NAALADL2: variants seen among roughly 807,000 people sequenced by gnomAD.
The protein encoded by NAALADL2 is inactive N-acetylated-alpha-linked acidic dipeptidase-like protein 2.
Under a neutral mutation model 87.2 loss-of-function variants are expected in NAALADL2, and 76 were observed. The observed-to-expected ratio is 0.87, with a 90% confidence interval of 0.72 to 1.05. NAALADL2 has a LOEUF of 1.05. NAALADL2 is among the 50% of genes least tolerant of loss of function. The probability of loss-of-function intolerance (pLI) is 0.00; values close to 1 mark genes in which losing one functional copy is unlikely to be tolerated. For synonymous variants in NAALADL2, 354 were observed against 331.0 expected (o/e 1.07, Z -0.75); for missense variants, 1,089 against 945.8 (o/e 1.15, Z -1.99).
intron 5 of NAALADL2, among the ~76,000 whole-genome samples, chr3:175,423,619 G>A (rs1716259646): frequency 6.6e-6 from 1 of 152,096 alleles, no homozygotes; most frequent in South Asian, 2.1e-4. Flanking sequence ...TGGCAACATA[G>A]TATTCCATGG....
chr3:175,682,350 G>A (rs1735707410), intron 11 of NAALADL2, among the ~76,000 whole-genome samples: 1 of 151,730 alleles, frequency 6.6e-6, no homozygotes, highest in African/African-American at 2.4e-5. Context: ...TTAAAACTTG[G>A]GAATAAAAAT....
At chr3:174,668,992 C>T (rs1008587748) in intron 2 of NAALADL2, among the ~76,000 whole-genome samples, 1 of 152,118 alleles carries the variant, frequency 6.6e-6, no homozygotes, top group Non-Finnish European at 1.5e-5. Flanking sequence ...GAGGAATTGC[C>T]ACACTGACTT....
chr3:174,747,383 A>G (rs1734361802), intron 3 of NAALADL2, among the ~76,000 whole-genome samples: 1 of 152,096 alleles, frequency 6.6e-6, no homozygotes, highest in Non-Finnish European at 1.5e-5. Context: ...GTGAGATAAC[A>G]TCTCACGCCA....
At chr3:174,639,963 G>C (rs1723007682) in intron 2 of NAALADL2, among the ~76,000 whole-genome samples, 1 of 152,102 alleles carries the variant, frequency 6.6e-6, no homozygotes, top group Non-Finnish European at 1.5e-5. Context: ...TAGGCAACTG[G>C]TGTTTAGAAG....
intron 5 of NAALADL2, among the ~76,000 whole-genome samples, chr3:175,418,912 G>A (rs141389371): frequency 2.0e-5 from 3 of 152,156 alleles, no homozygotes; most frequent in Admixed American, 6.6e-5. Context: ...ACAGTCGAGA[G>A]CAACGGCAGG....
At chr3:174,885,876 GTTTTTTTTT>G (rs60403770) in intron 1 of NAALADL2, among the ~76,000 whole-genome samples, 1 of 101,642 alleles carries the variant, frequency 9.8e-6, no homozygotes, top group Non-Finnish European at 2.0e-5. Context: ...AGTCCGAGTT[GTTTTTTTTT>G]TTTTTTTTTT....
At chr3:175,234,938 G>C (rs144392920) in intron 3 of NAALADL2, 1 of 152,106 alleles carries the variant, frequency 6.6e-6, no homozygotes, top group Admixed American at 6.6e-5. Context: ...GGAGGACAGA[G>C]CATAGCCTAT....
chr3:174,882,819 GTA>G (rs1334356556), intron 1 of NAALADL2, among the ~76,000 whole-genome samples: 4 of 138,470 alleles, frequency 2.9e-5, no homozygotes, highest in Admixed American at 1.4e-4. Context: ...GTGCATATGT[GTA>G]TATATACACG....
At chr3:175,676,477 A>G (rs1734800578) in intron 11 of NAALADL2, 1 of 152,222 alleles carries the variant, frequency 6.6e-6, no homozygotes, top group Non-Finnish European at 1.5e-5. Context: ...GGTTCAGGAA[A>G]GTTCTGTTTT....
At chr3:174,675,954 A>G (rs1043040173) in intron 2 of NAALADL2, among the ~76,000 whole-genome samples, 1 of 152,078 alleles carries the variant, frequency 6.6e-6, no homozygotes, top group Non-Finnish European at 1.5e-5. Context: ...AGCAGAAATA[A>G]AAATTTCCTT....
At chr3:174,888,633 ATCATTCGGG>A (rs1390819419) in intron 1 of NAALADL2, among the ~76,000 whole-genome samples, 1 of 152,216 alleles carries the variant, frequency 6.6e-6, no homozygotes, top group Non-Finnish European at 1.5e-5. Context: ...AGTGACTCCT[ATCATTCGGG>A]GCATTTATTT....
rs543311277 is a variant in NAALADL2 at position 175,440,377 on chromosome 3, G to T, written c.1091-6852G>T. ...TGCTTTGGCTATGCAGGCTCTTTTT[G>T]GTTCCATATGAATTTTAGAATTTTT... On this transcript the variant is annotated intron_variant, in intron 5 of 13. Transcript: ENST00000454872. 3.0e-3 allele frequency among the ~76,000 whole-genome samples: 458 copies of T among 152,022 alleles called. 2 individuals are homozygous for T. Among genetic ancestry groups the T allele is most frequent in the African/African-American group, 1.0e-2 (413 of 41,484 alleles).
At chr3:174,494,551 C>G (rs1318684545) in intron 1 of NAALADL2, among the ~76,000 whole-genome samples, 1 of 151,268 alleles carries the variant, frequency 6.6e-6, no homozygotes, top group African/African-American at 2.4e-5. Flanking sequence ...TGCAGCACAC[C>G]AGCATGGCAC....
chr3:175,670,415 G>A (rs1278599304), intron 11 of NAALADL2, among the ~76,000 whole-genome samples: 1 of 141,808 alleles, frequency 7.1e-6, no homozygotes, highest in African/African-American at 2.7e-5. Context: ...TACATTAAAT[G>A]TAAATTTAAT....
At chr3:174,929,562 A>T (rs939698281) in intron 1 of NAALADL2, among the ~76,000 whole-genome samples, 2 of 152,090 alleles carry the variant, frequency 1.3e-5, no homozygotes, top group African/African-American at 4.8e-5. Context: ...TACTATAATT[A>T]TATGCTATGA....
rs140261990 is a variant in NAALADL2 at position 175,144,359 on chromosome 3, T to C, written c.545+47068T>C. 7.9e-5 allele frequency among the ~76,000 whole-genome samples: 12 copies of C among 152,092 alleles called. No individual in the cohort carries two copies. The East Asian group carries it at 2.3e-3, about 29-fold the overall frequency. The stretch of plus-strand genomic sequence containing the variant: ...GCTTTAGAAAGTCTCCATTTTAAGA[T>C]TGATTGGAAAACAGGAATTGATTAT... On this transcript the variant is annotated intron_variant, in intron 2 of 13. Transcript: ENST00000454872.
intron 13 of NAALADL2, among the ~76,000 whole-genome samples, chr3:175,788,669 TTAAG>T (rs1488297755): frequency 6.6e-6 from 1 of 152,206 alleles, no homozygotes; most frequent in Non-Finnish European, 1.5e-5. Flanking sequence ...ATTCCTGTAG[TTAAG>T]TAATATATGA....
At chr3:175,427,847 A>G (rs186176164) in intron 5 of NAALADL2, among the ~76,000 whole-genome samples, 6 of 152,262 alleles carry the variant, frequency 3.9e-5, no homozygotes, top group Admixed American at 2.6e-4. Context: ...AAGGTTCTTC[A>G]TGCTGCTGGA....
chr3:174,904,229 A>G (rs1181540835), intron 1 of NAALADL2, among the ~76,000 whole-genome samples: 2 of 151,750 alleles, frequency 1.3e-5, no homozygotes, highest in Non-Finnish European at 1.5e-5. Context: ...CAAAATCTGG[A>G]CTCAGTAAAG....
Sources: gnomAD v4.1 joint callset for allele counts (sites outside exome capture counted in the v4.1 genomes callset) on GRCh38, gnomAD v4.1.1 for gene constraint, MANE v1.5 for transcripts, NCBI Gene and HGNC (gene_info 2026-07-23, HGNC 2026-07-21) for gene names.